RIN2: variants seen among roughly 807,000 people sequenced by gnomAD.
The protein encoded by RIN2 is RAB5 interacting protein 2.
A neutral mutation model predicts 78.0 loss-of-function variants in RIN2; 36 were observed. The ratio of observed to expected loss-of-function variants is 0.46; its 90% CI spans 0.35 to 0.61. The LOEUF (loss-of-function observed/expected upper bound fraction) is 0.61. Among genes scored for constraint, RIN2 ranks in the 20% least tolerant of loss-of-function variants. The pLI, the probability that RIN2 is intolerant of heterozygous loss-of-function variation, is 0.00. For missense variants in RIN2, 1,087 were observed against 1,159.7 expected (o/e 0.94, Z 0.91); for synonymous variants, 466 against 466.8 (o/e 1.00, Z 0.02).
chr20:19,922,516 G>A (rs2039965531), intron 3 of RIN2, among the ~76,000 whole-genome samples: 1 of 152,094 alleles, frequency 6.6e-6, no homozygotes, highest in South Asian at 2.1e-4. Flanking sequence ...TCTGAAAAAG[G>A]TCCAAGATAA....
At chr20:19,871,965 G>A (rs145713586) in intron 2 of RIN2, 27 of 152,198 alleles carry the variant, frequency 1.8e-4, no homozygotes, top group African/African-American at 6.3e-4. Context: ...CCATGAACAG[G>A]GTGGGTGATA....
chr20:19,952,847 C>A (rs557266519), intron 4 of RIN2, among the ~76,000 whole-genome samples: 3 of 152,296 alleles, frequency 2.0e-5, no homozygotes, highest in African/African-American at 4.8e-5. Flanking sequence ...GCGCCCGCAG[C>A]CCCTAGCAAA....
rs1307734779 is a variant in RIN2, at chr20:20,001,767, TGTAGAGAGAG to T, written c.*842_*851del. ...TGCTGAGAATAAGGAGAGAAATGAA[TGTAGAGAGAG>T]GTAGAGAGAGAAATATGAACTCTAA... On this transcript the variant is annotated 3_prime_UTR_variant, in exon 13 of 13. Coordinates refer to ENST00000255006, the MANE Select transcript of RIN2 (RefSeq NM_018993.4). 2.0e-5 allele frequency: 3 copies of T among 152,510 alleles called. No individual in the cohort carries two copies. Among genetic ancestry groups the T allele is most frequent in the Non-Finnish European group, 4.4e-5 (3 of 68,010 alleles). The allele number at this position is 152,510 out of a possible 1,614,324, so 9.4% of individuals were successfully genotyped here.
intron 2 of RIN2, among the ~76,000 whole-genome samples, chr20:19,844,757 T>A (rs1300404853): frequency 6.8e-6 from 1 of 147,224 alleles, no homozygotes; most frequent in Non-Finnish European, 1.5e-5. Flanking sequence ...AATTATACTT[T>A]AAGTTCTGGG....
intron 8 of RIN2, among the ~76,000 whole-genome samples, chr20:19,971,994 G>A (rs545433765): frequency 6.6e-6 from 1 of 152,186 alleles, no homozygotes; most frequent in Non-Finnish European, 1.5e-5. Flanking sequence ...CACCCGCTTT[G>A]GTATCCCAAA....
Position 19,854,288 on chromosome 20 carries a change from T to C in RIN2, c.-36-35278T>C, listed in dbSNP as rs531627566. Among the ~76,000 whole-genome samples the C allele has an allele frequency of 5.7e-3, 866 of 152,366 alleles. 6 individuals carry two copies. Among genetic ancestry groups the C allele is most frequent in the Middle Eastern group, 0.014 (4 of 294 alleles). ...TGCTGTTTTGGTTACTGTAGCCTTG[T>C]AGTATAGTTTGAAGTCAGGTAGTGT... On this transcript the variant is annotated intron_variant, in intron 2 of 12. Transcript: ENST00000255006.
intron 2 of RIN2, among the ~76,000 whole-genome samples, chr20:19,828,824 G>A (rs2036171380): frequency 6.6e-6 from 1 of 152,010 alleles, no homozygotes; most frequent in Admixed American, 6.6e-5. Flanking sequence ...CACCATCCTA[G>A]GTCCATTTTT....
At chr20:19,858,125 T>A (rs6035460) in intron 2 of RIN2, among the ~76,000 whole-genome samples, 52,390 of 151,242 alleles carry the variant, frequency 0.35, 10,708 homozygotes, top group African/African-American at 0.57. Flanking sequence ...TGTCTTTTTT[T>A]AAAAAAAAAT....
chr20:19,944,670 A>G (rs1449408304), intron 4 of RIN2, among the ~76,000 whole-genome samples: 1 of 151,968 alleles, frequency 6.6e-6, no homozygotes, highest in Non-Finnish European at 1.5e-5. Flanking sequence ...ATTTTAACAC[A>G]AAAATATCAA....
At chr20:19,957,213 G>T (rs1420027126) in intron 5 of RIN2, among the ~76,000 whole-genome samples, 1 of 152,100 alleles carries the variant, frequency 6.6e-6, no homozygotes. Context: ...ATCCAACTTG[G>T]GACCCAGCCT....
intron 9 of RIN2, among the ~76,000 whole-genome samples, chr20:19,986,251 G>C (rs781016811): frequency 6.6e-6 from 1 of 151,942 alleles, no homozygotes; most frequent in Non-Finnish European, 1.5e-5. Context: ...CTATTGGAGA[G>C]AGCCAGCTGG....
intron 3 of RIN2, among the ~76,000 whole-genome samples, chr20:19,893,263 C>T (rs141720468): frequency 7.2e-5 from 11 of 152,276 alleles, no homozygotes; most frequent in Non-Finnish European, 1.5e-4. Context: ...CCGCAACGCA[C>T]TTCTCAGCAG....
intron 1 of RIN2, among the ~76,000 whole-genome samples, chr20:19,764,885 A>G (rs138716448): frequency 1.4e-3 from 178 of 130,324 alleles, no homozygotes; most frequent in Middle Eastern, 5.2e-3. Flanking sequence ...TACAAATTCT[A>G]CTAGGAAGGG....
At chr20:19,973,165 G>A (rs760289419) in intron 8 of RIN2, among the ~76,000 whole-genome samples, 42 of 152,090 alleles carry the variant, frequency 2.8e-4, no homozygotes, top group Non-Finnish European at 5.3e-4. Flanking sequence ...ATACTTAAAC[G>A]TTTTCCAGTA....
intron 3 of RIN2, among the ~76,000 whole-genome samples, chr20:19,908,785 A>C (rs2039336072): frequency 6.6e-6 from 1 of 152,190 alleles, no homozygotes; most frequent in South Asian, 2.1e-4. Context: ...CACTTGTGGA[A>C]TATCCACTAT....
chr20:19,883,267 A>C (rs1383628776), intron 2 of RIN2, among the ~76,000 whole-genome samples: 1 of 151,858 alleles, frequency 6.6e-6, no homozygotes, highest in African/African-American at 2.4e-5. Context: ...TAATTCTTAA[A>C]TGGCCCAAGG....
In RIN2 at chr20:19,996,698, C is replaced by A; in HGVS notation, c.2220C>A (p.Ser740Arg). Residue 740 changes from serine (S) to arginine (R), a missense_variant, in exon 12 of 13, where the codon AGC becomes AGA. By Grantham distance (110) the Ser-to-Arg change is moderately radical. Transcript: ENST00000255006. ...LHGEGGYYLT[S>R]AYGALSLIKN... ...TTTCAGGAGGCTATTACTTGACAAG[C>A]GCATATGGAGCACTTTCTCTGATAA... 6.2e-7 allele frequency: 1 copy of A among 1,614,026 alleles called. No individual in the cohort carries two copies. The highest frequency in any genetic ancestry group is 8.5e-7 in the Non-Finnish European group (1 of 1,179,888).
chr20:19,920,152 C>G (rs1443673416), intron 3 of RIN2, among the ~76,000 whole-genome samples: 1 of 151,994 alleles, frequency 6.6e-6, no homozygotes, highest in Non-Finnish European at 1.5e-5. Context: ...AAAAATTAGC[C>G]AGGCATGGTG....
chr20:19,928,130 T>C (rs1279839402), intron 3 of RIN2, among the ~76,000 whole-genome samples: 1 of 152,226 alleles, frequency 6.6e-6, no homozygotes, highest in East Asian at 1.9e-4. Flanking sequence ...TTCGAACTCC[T>C]GACTTCAGGT....
Sources: allele counts gnomAD v4.1 joint callset (sites outside exome capture counted in the v4.1 genomes callset), GRCh38; gene constraint gnomAD v4.1.1; transcripts MANE v1.5; gene names NCBI Gene and HGNC (gene_info 2026-07-23, HGNC 2026-07-21).